The following CYRIB variants were observed in gnomAD, a reference collection of about 807,000 sequenced individuals.
CYRIB encodes CYFIP related Rac1 interactor B.
CYRIB carries 8 observed loss-of-function variants against 44.2 expected under a neutral mutation model. That is an observed-to-expected ratio of 0.18 (90% CI 0.11 to 0.33). The LOEUF (loss-of-function observed/expected upper bound fraction) is 0.33. CYRIB is among the 10% of genes least tolerant of loss of function. The probability of loss-of-function intolerance (pLI) is 1.00; values close to 1 mark genes in which losing one functional copy is unlikely to be tolerated. For missense variants in CYRIB, 185 were observed against 382.8 expected (o/e 0.48, Z 4.31); for synonymous variants, 131 against 127.2 (o/e 1.03, Z -0.20).
intron 2 of CYRIB, among the ~76,000 whole-genome samples, chr8:129,895,949 G>A (rs1054538924): frequency 1.1e-4 from 17 of 152,312 alleles, no homozygotes; most frequent in African/African-American, 3.9e-4. Flanking sequence ...TTGTAAGACT[G>A]ACCTGTAATT....
intron 1 of CYRIB, among the ~76,000 whole-genome samples, chr8:129,985,527 C>T (rs1238402673): frequency 6.6e-6 from 1 of 152,130 alleles, no homozygotes; most frequent in Non-Finnish European, 1.5e-5. Context: ...CCACATCCTC[C>T]CCCACCCCCC....
exon 12 of CYRIB, chr8:129,841,311 A>G (rs957712592): frequency 3.9e-5 from 6 of 152,252 alleles, no homozygotes; most frequent in South Asian, 4.1e-4. Context: ...AAGGCAATTA[A>G]AAGTATATAC....
At chr8:130,015,722 C>T (rs1350981576) in intron 1 of CYRIB, among the ~76,000 whole-genome samples, 1 of 152,232 alleles carries the variant, frequency 6.6e-6, no homozygotes, top group African/African-American at 2.4e-5. Flanking sequence ...CCCAGGAAAG[C>T]CCTGCAGGCT....
chr8:129,935,852 A>G (rs1207602632), intron 1 of CYRIB, among the ~76,000 whole-genome samples: 1 of 152,240 alleles, frequency 6.6e-6, no homozygotes, highest in Non-Finnish European at 1.5e-5. Flanking sequence ...ATATCTTTGA[A>G]AGTAGTCATT....
chr8:129,897,692 T>C (rs758024631), intron 2 of CYRIB, among the ~76,000 whole-genome samples: 50 of 151,418 alleles, frequency 3.3e-4, no homozygotes, highest in Non-Finnish European at 6.6e-4. Flanking sequence ...CCCAGCAGTT[T>C]GGGAGGTGGA....
intron 2 of CYRIB, among the ~76,000 whole-genome samples, chr8:129,888,698 G>A (rs969827633): frequency 1.3e-5 from 2 of 152,158 alleles, no homozygotes; most frequent in Non-Finnish European, 2.9e-5. Flanking sequence ...CCTCTGAGTA[G>A]GCAGGGGTTT....
intron 2 of CYRIB, among the ~76,000 whole-genome samples, chr8:129,966,418 C>T (rs936435494): frequency 2.6e-5 from 4 of 152,142 alleles, no homozygotes; most frequent in Admixed American, 1.3e-4. Context: ...TTTCTCCAAC[C>T]ACAGTCACAA....
chr8:130,007,618 C>G (rs868715721), intron 1 of CYRIB, among the ~76,000 whole-genome samples: 1 of 151,876 alleles, frequency 6.6e-6, no homozygotes, highest in African/African-American at 2.4e-5. Flanking sequence ...AACCCTGTCG[C>G]TACTAAAAAT....
At chr8:129,919,181 A>T (rs1169878135) in intron 1 of CYRIB, among the ~76,000 whole-genome samples, 1 of 152,150 alleles carries the variant, frequency 6.6e-6, no homozygotes, top group African/African-American at 2.4e-5. Context: ...AGATAGATAT[A>T]GTTTTTCTGG....
At chr8:129,991,064 G>A (rs2096619558) in intron 1 of CYRIB, among the ~76,000 whole-genome samples, 2 of 149,476 alleles carry the variant, frequency 1.3e-5, no homozygotes, top group South Asian at 4.3e-4. Flanking sequence ...CCCAGGAGGT[G>A]AGGGTTGCAG....
intron 1 of CYRIB, among the ~76,000 whole-genome samples, chr8:130,013,126 A>G (rs531920448): frequency 6.6e-6 from 1 of 152,256 alleles, no homozygotes; most frequent in Non-Finnish European, 1.5e-5. Flanking sequence ...AACAGTGATT[A>G]TTACTGTTGT....
chr8:129,954,027 G>C (rs1309811149), intron 2 of CYRIB, among the ~76,000 whole-genome samples: 2 of 152,050 alleles, frequency 1.3e-5, no homozygotes, highest in Admixed American at 6.6e-5. Flanking sequence ...GGTTTAGCAA[G>C]CTTCCCTTCT....
intron 1 of CYRIB, among the ~76,000 whole-genome samples, chr8:129,910,417 C>A (rs2077340016): frequency 6.6e-6 from 1 of 151,774 alleles, no homozygotes; most frequent in African/African-American, 2.4e-5. Flanking sequence ...ATTAACACTA[C>A]CATCAGAATG....
chr8:129,946,811 G>C (rs16904180), intron 2 of CYRIB, among the ~76,000 whole-genome samples: 3,982 of 152,146 alleles, frequency 0.026, 164 homozygotes, highest in African/African-American at 0.09. Context: ...CAGGTGACCT[G>C]CAGGAAGAAA....
chr8:129,919,044 T>C (rs190953683), intron 1 of CYRIB, among the ~76,000 whole-genome samples: 35 of 152,360 alleles, frequency 2.3e-4, no homozygotes, highest in Admixed American at 8.5e-4. Flanking sequence ...TTTTACTTAT[T>C]TTTTTAAGAG....
intron 10 of CYRIB, chr8:129,847,106 T>C: frequency 2.6e-6 from 1 of 378,522 alleles, no homozygotes; most frequent in South Asian, 4.2e-5. Context: ...ATACCACACA[T>C]GCAATGAAAA....
rs868334 is a variant in CYRIB at position 129,856,437 on chromosome 8, T to C, written c.302-690A>G. Among the ~76,000 whole-genome samples the C allele has an allele frequency of 8.6e-3, 1,306 of 152,252 alleles. 17 individuals carry two copies. The highest frequency in any genetic ancestry group is 0.03 in the African/African-American group (1,245 of 41,546). ...ACTAAATACTAATACTAATATTAAA[T>C]ACTAAATACTAATATTTCATTTCAA... On this transcript the variant is annotated intron_variant, in intron 5 of 11. Transcript: ENST00000519824.
At chr8:129,937,088 T>C (rs1468942884) in intron 1 of CYRIB, among the ~76,000 whole-genome samples, 1 of 152,214 alleles carries the variant, frequency 6.6e-6, no homozygotes, top group African/African-American at 2.4e-5. Flanking sequence ...TTTTGCCACA[T>C]AATTACAAAA....
chr8:129,929,555 A>C (rs2090037017), intron 1 of CYRIB, among the ~76,000 whole-genome samples: 1 of 152,228 alleles, frequency 6.6e-6, no homozygotes, highest in Non-Finnish European at 1.5e-5. Flanking sequence ...AGATGGTGAA[A>C]AAAACTTAGT....
Sources: allele counts gnomAD v4.1 joint callset (sites outside exome capture counted in the v4.1 genomes callset), GRCh38; gene constraint gnomAD v4.1.1; transcripts MANE v1.5; gene names NCBI Gene and HGNC (gene_info 2026-07-23, HGNC 2026-07-21).